USP25: variants seen among roughly 807,000 people sequenced by gnomAD.
USP25 encodes ubiquitin carboxyl-terminal hydrolase 25.
USP25 carries 85 observed loss-of-function variants against 158.5 expected under a neutral mutation model. That is an observed-to-expected ratio of 0.54 (90% CI 0.45 to 0.64). The LOEUF (loss-of-function observed/expected upper bound fraction) is 0.64, where lower values mean the gene tolerates loss of function less well. USP25 is among the 30% of genes least tolerant of loss of function. USP25 has a pLI of 0.00. For missense variants in USP25, 1,242 were observed against 1,327.3 expected, an observed-to-expected ratio of 0.94 and a Z score of 1.00; for synonymous variants, 464 against 460.4, an observed-to-expected ratio of 1.01 and a Z score of -0.10.
At chr21:15,828,129 T>C (rs1055381188) in intron 14 of USP25, among the ~76,000 whole-genome samples, 12 of 152,170 alleles carry the variant, frequency 7.9e-5, no homozygotes, top group Non-Finnish European at 1.8e-4. Flanking sequence ...TTATAGACAA[T>C]ATTTGAAAAA....
intron 1 of USP25, among the ~76,000 whole-genome samples, chr21:15,753,596 G>C (rs2033177672): frequency 6.6e-6 from 1 of 152,078 alleles, no homozygotes; most frequent in Non-Finnish European, 1.5e-5. Context: ...TGCTTAGTAA[G>C]TGGGCCTGAC....
At chr21:15,744,732 G>A (rs1023978414) in intron 1 of USP25, among the ~76,000 whole-genome samples, 2 of 151,988 alleles carry the variant, frequency 1.3e-5, no homozygotes, top group African/African-American at 4.8e-5. Context: ...GGGACTACAG[G>A]TGCCTGCCAC....
chr21:15,786,190 A>G (rs1039363287), intron 4 of USP25, among the ~76,000 whole-genome samples: 1 of 152,164 alleles, frequency 6.6e-6, no homozygotes, highest in Non-Finnish European at 1.5e-5. Flanking sequence ...TGATGGCTAC[A>G]TTGCTGAAGT....
rs879089546 is a variant in USP25 at position 15,874,969 on chromosome 21, A to G, written c.3009+443A>G. ...ATCACAAAGTCAGGAGATCGAGACC[A>G]TCCTGGCCAACGTGGTGAAACCCCA... is the stretch of plus-strand genomic sequence containing the variant. On this transcript the variant is annotated intron_variant, in intron 24 of 25. Transcript: ENST00000400183. Among the ~76,000 whole-genome samples the G allele has an allele frequency of 5.3e-5, 8 of 152,300 alleles. No homozygotes were observed. The South Asian group carries it at 1.0e-3, about 20-fold the overall frequency.
chr21:15,812,057 A>G (rs941215733), intron 9 of USP25, among the ~76,000 whole-genome samples: 1 of 151,968 alleles, frequency 6.6e-6, no homozygotes, highest in Non-Finnish European at 1.5e-5. Flanking sequence ...TCTTAGTGAC[A>G]TGTTCGTACG....
rs5842545 is a variant in USP25 at position 15,787,902 on chromosome 21, A to ACCCCCCCC, written c.393-3597_393-3590dup. On this transcript the variant is annotated intron_variant, in intron 4 of 25. Coordinates refer to ENST00000400183, the MANE Select transcript of USP25 (RefSeq NM_001283041.3). The stretch of plus-strand genomic sequence containing the variant: ...AACAATAAAATAATAACACCCCCTC[A>ACCCCCCCC]CCCCCCCCCCAAGTAAAACCACCGT... Among the ~76,000 whole-genome samples, 8 of 83,644 alleles carry ACCCCCCCC rather than the reference A, an allele frequency of 9.6e-5. 1 individual carries two copies. Among genetic ancestry groups the ACCCCCCCC allele is most frequent in the Non-Finnish European group, 1.5e-4 (6 of 38,790 alleles). The allele number at this position is 83,644 out of a possible 152,430, so 54.9% of individuals were successfully genotyped here.
intron 11 of USP25, 69 bp from the exon 12 acceptor site, chr21:15,824,897 T>C (rs1250338977): frequency 1.5e-6 from 2 of 1,293,344 alleles, no homozygotes; most frequent in Admixed American, 3.7e-5. Context: ...CCGGGTACGC[T>C]GGCATCTGGC....
chr21:15,839,696 T>G (rs1030910633), intron 17 of USP25, among the ~76,000 whole-genome samples: 1 of 152,168 alleles, frequency 6.6e-6, no homozygotes, highest in African/African-American at 2.4e-5. Context: ...TTTGTCTTCT[T>G]TGACAGTTTT....
chr21:15,820,849 AATAT>A (rs1233000815), intron 10 of USP25, among the ~76,000 whole-genome samples: 1 of 151,912 alleles, frequency 6.6e-6, no homozygotes, highest in African/African-American at 2.4e-5. Context: ...GTGGCCAACT[AATAT>A]ATAGGAAGAC....
intron 1 of USP25, among the ~76,000 whole-genome samples, chr21:15,736,441 A>C (rs1308038642): frequency 6.6e-6 from 1 of 152,142 alleles, no homozygotes; most frequent in Non-Finnish European, 1.5e-5. Flanking sequence ...AACCATGCAC[A>C]TGTGGTGATA....
chr21:15,763,096 TGTAAA>T, intron 2 of USP25, 128 bp downstream of exon 2: 1 of 812,144 alleles, frequency 1.2e-6, no homozygotes. Flanking sequence ...GAATGGACTT[TGTAAA>T]GTAAAATCCT....
intron 10 of USP25, among the ~76,000 whole-genome samples, chr21:15,820,877 A>G (rs1419964881): frequency 6.6e-6 from 1 of 151,976 alleles, no homozygotes; most frequent in Admixed American, 6.6e-5. Flanking sequence ...CAGTCTTCCA[A>G]GCTAAAACAT....
intron 17 of USP25, among the ~76,000 whole-genome samples, chr21:15,841,258 C>G (rs553020811): frequency 3.0e-4 from 46 of 152,206 alleles, no homozygotes; most frequent in African/African-American, 1.1e-3. Flanking sequence ...TTTTGTGTCC[C>G]CCTGTTGCTC....
chr21:15,810,618 C>T (rs1207169281), intron 8 of USP25, among the ~76,000 whole-genome samples: 2 of 152,138 alleles, frequency 1.3e-5, no homozygotes, highest in Non-Finnish European at 2.9e-5. Flanking sequence ...AGTAGCTGTT[C>T]AGCTACTTTG....
intron 1 of USP25, among the ~76,000 whole-genome samples, chr21:15,732,481 G>A (rs1005590248): frequency 7.2e-5 from 11 of 152,106 alleles, no homozygotes; most frequent in Non-Finnish European, 2.9e-5. Flanking sequence ...CTTAAAGCTG[G>A]TAACTAGGAA....
At chr21:15,792,942 A>G (rs1205867070) in intron 5 of USP25, among the ~76,000 whole-genome samples, 1 of 151,682 alleles carries the variant, frequency 6.6e-6, no homozygotes, top group Non-Finnish European at 1.5e-5. Context: ...GTTTACTTAC[A>G]TGCCAAAAAG....
chr21:15,837,652 G>A (rs2038119870), intron 17 of USP25, among the ~76,000 whole-genome samples: 1 of 152,118 alleles, frequency 6.6e-6, no homozygotes, highest in Non-Finnish European at 1.5e-5. Context: ...TATTACTCTT[G>A]TCTTATCCAA....
At chr21:15,735,270 C>A (rs935525274) in intron 1 of USP25, among the ~76,000 whole-genome samples, 17 of 151,998 alleles carry the variant, frequency 1.1e-4, no homozygotes, top group African/African-American at 4.1e-4. Flanking sequence ...TAGATTCAAC[C>A]AGCTGTGGAT....
intron 3 of USP25, among the ~76,000 whole-genome samples, chr21:15,770,703 G>A (rs540141019): frequency 5.3e-5 from 8 of 152,164 alleles, no homozygotes; most frequent in African/African-American, 1.9e-4. Context: ...TTGAAATTCA[G>A]TTTCTCAGTT....
Sources: gnomAD v4.1 joint callset for allele counts (sites outside exome capture counted in the v4.1 genomes callset) on GRCh38, gnomAD v4.1.1 for gene constraint, MANE v1.5 for transcripts, NCBI Gene and HGNC (gene_info 2026-07-23, HGNC 2026-07-21) for gene names.